The following LSAMP variants were observed in gnomAD, a reference collection of about 807,000 sequenced individuals.
LSAMP encodes limbic system associated membrane protein.
A neutral mutation model predicts 38.6 loss-of-function variants in LSAMP; 7 were observed. The ratio of observed to expected loss-of-function variants is 0.18; its 90% CI spans 0.10 to 0.34. The LOEUF is 0.34. Ranked by LOEUF, LSAMP falls within the 10% of genes least tolerant of loss-of-function variation. The probability of loss-of-function intolerance (pLI) is 1.00; values close to 1 mark genes in which losing one functional copy is unlikely to be tolerated. For synonymous variants in LSAMP, 154 were observed against 166.8 expected (o/e 0.92, Z 0.59); for missense variants, 313 against 420.0 (o/e 0.75, Z 2.23).
intron 1 of LSAMP, among the ~76,000 whole-genome samples, chr3:116,172,275 C>T (rs1449096252): frequency 5.9e-5 from 9 of 151,286 alleles, no homozygotes; most frequent in South Asian, 4.2e-4. Flanking sequence ...TATAATCTGA[C>T]AGCAAAAAGG....
At position 116,162,741 on chromosome 3, in the gene LSAMP, T is replaced by C. The variant is rs940497802; in HGVS notation, c.156-76185A>G. On this transcript the variant is annotated intron_variant, in intron 1 of 6. Coordinates refer to ENST00000490035, the MANE Select transcript of LSAMP (RefSeq NM_002338.5). ...CAAAGTGTGTGAGAGTGTGTGTGTA[T>C]ATATACATATCGTATACACACACTT... Among the ~76,000 whole-genome samples the C allele has an allele frequency of 4.2e-5, 6 of 141,836 alleles. No individual in the cohort carries two copies. In the East Asian group the frequency reaches 1.2e-3, roughly 29 times the overall value. The allele number at this position is 141,836 out of a possible 152,430, so 93.0% of individuals were successfully genotyped here.
chr3:116,427,279 C>A (rs559417323), intron 1 of LSAMP, among the ~76,000 whole-genome samples: 2 of 151,546 alleles, frequency 1.3e-5, no homozygotes, highest in African/African-American at 4.8e-5. Flanking sequence ...CACCACCGCG[C>A]CCGGCTAATT....
rs1010385353 is a variant in LSAMP at position 115,928,976 on chromosome 3, T to G, written c.515-76359A>C. On this transcript the variant is annotated intron_variant, in intron 3 of 6. Transcript: ENST00000490035. ...TTATCATGCAGGTTTTTTGTTTGTT[T>G]TTTTTTTTTTTTTTGCTTGTTTTAT... Among the ~76,000 whole-genome samples the G allele has an allele frequency of 2.5e-4, 28 of 114,106 alleles. 1 individual carries two copies. Among genetic ancestry groups the G allele is most frequent in the African/African-American group, 7.2e-4 (27 of 37,628 alleles). The allele number at this position is 114,106 out of a possible 152,430, so 74.9% of individuals were successfully genotyped here. A position where few individuals can be genotyped will look rare whatever the true frequency, so the allele number is the denominator to read the frequency against.
chr3:116,090,937 T>C (rs1708108310), intron 1 of LSAMP, among the ~76,000 whole-genome samples: 1 of 152,226 alleles, frequency 6.6e-6, no homozygotes, highest in South Asian at 2.1e-4. Context: ...CCATTGTCAT[T>C]GATAACATCT....
chr3:115,935,051 AAAAC>A (rs764144395), intron 3 of LSAMP, among the ~76,000 whole-genome samples: 11 of 152,244 alleles, frequency 7.2e-5, no homozygotes, highest in Non-Finnish European at 1.5e-4. Context: ...AACAAAAACA[AAAAC>A]AAAAAACAAA....
chr3:116,440,294 A>G (rs1025912403), intron 1 of LSAMP, among the ~76,000 whole-genome samples: 1 of 152,156 alleles, frequency 6.6e-6, no homozygotes, highest in African/African-American at 2.4e-5. Context: ...AGCCCTTTGT[A>G]TTTGGCACTC....
chr3:116,392,620 G>C (rs2048718386), intron 1 of LSAMP, among the ~76,000 whole-genome samples: 1 of 152,246 alleles, frequency 6.6e-6, no homozygotes, highest in Non-Finnish European at 1.5e-5. Context: ...GGTGGAACCA[G>C]GTGGGTCCCT....
intron 1 of LSAMP, among the ~76,000 whole-genome samples, chr3:116,414,030 A>G (rs2049015837): frequency 6.6e-6 from 1 of 152,150 alleles, no homozygotes; most frequent in South Asian, 2.1e-4. Context: ...GGAGGCAGGA[A>G]AGGCGGCTGG....
At chr3:115,856,157 T>C (rs1935500578) in intron 3 of LSAMP, among the ~76,000 whole-genome samples, 1 of 152,174 alleles carries the variant, frequency 6.6e-6, no homozygotes, top group Non-Finnish European at 1.5e-5. Flanking sequence ...AGTCACTCCA[T>C]AAATGTTTGT....
At chr3:115,873,921 A>G (rs1936113974) in intron 3 of LSAMP, among the ~76,000 whole-genome samples, 1 of 152,126 alleles carries the variant, frequency 6.6e-6, no homozygotes, top group African/African-American at 2.4e-5. Flanking sequence ...CCTTCCACGT[A>G]GGAATCAGTC....
At chr3:116,370,896 C>T (rs1162781480) in intron 1 of LSAMP, among the ~76,000 whole-genome samples, 1 of 152,106 alleles carries the variant, frequency 6.6e-6, no homozygotes, top group Non-Finnish European at 1.5e-5. Context: ...GAAGTGAGGA[C>T]ATCGCTACTG....
intron 1 of LSAMP, among the ~76,000 whole-genome samples, chr3:116,146,812 G>A (rs927357439): frequency 1.3e-5 from 2 of 151,882 alleles, no homozygotes; most frequent in African/African-American, 4.8e-5. Context: ...GGTAAAAGTT[G>A]TAGGCAGATC....
At chr3:116,314,734 C>T (rs143771574) in intron 1 of LSAMP, among the ~76,000 whole-genome samples, 1 of 152,108 alleles carries the variant, frequency 6.6e-6, no homozygotes, top group Admixed American at 6.5e-5. Flanking sequence ...TTAGCTGGAC[C>T]ATTAGTGCTG....
At chr3:116,055,914 G>C (rs937685450) in intron 2 of LSAMP, among the ~76,000 whole-genome samples, 2 of 151,924 alleles carry the variant, frequency 1.3e-5, no homozygotes, top group African/African-American at 4.8e-5. Flanking sequence ...TTTGCACTTG[G>C]AGTATAACTA....
intron 1 of LSAMP, among the ~76,000 whole-genome samples, chr3:116,232,372 T>A (rs1272135076): frequency 6.6e-6 from 1 of 152,230 alleles, no homozygotes; most frequent in Non-Finnish European, 1.5e-5. Context: ...AAAATTAGAT[T>A]TCCTTAGATT....
chr3:115,845,250 T>C (rs1219451481), intron 4 of LSAMP, among the ~76,000 whole-genome samples: 1 of 152,230 alleles, frequency 6.6e-6, no homozygotes, highest in African/African-American at 2.4e-5. Context: ...TATTGTGTTC[T>C]TAAGCTGCCA....
At chr3:116,239,051 C>T (rs2046499103) in intron 1 of LSAMP, among the ~76,000 whole-genome samples, 1 of 152,138 alleles carries the variant, frequency 6.6e-6, no homozygotes, top group African/African-American at 2.4e-5. Flanking sequence ...CATAGCTATG[C>T]TTTTAGAAAC....
At chr3:116,043,175 A>G (rs1353856331) in intron 2 of LSAMP, among the ~76,000 whole-genome samples, 1 of 152,128 alleles carries the variant, frequency 6.6e-6, no homozygotes, top group African/African-American at 2.4e-5. Flanking sequence ...GGTTTTACTT[A>G]TTACCATTAC....
chr3:115,883,537 T>A (rs1936375743), intron 3 of LSAMP, among the ~76,000 whole-genome samples: 1 of 152,026 alleles, frequency 6.6e-6, no homozygotes, highest in African/African-American at 2.4e-5. Flanking sequence ...CTGGAAGGGA[T>A]GGGCATATTA....
Sources: gnomAD v4.1 joint callset for allele counts (sites outside exome capture counted in the v4.1 genomes callset) on GRCh38, gnomAD v4.1.1 for gene constraint, MANE v1.5 for transcripts, NCBI Gene and HGNC (gene_info 2026-07-23, HGNC 2026-07-21) for gene names.